MCTP1: variants seen among roughly 807,000 people sequenced by gnomAD.
MCTP1 encodes the protein multiple C2 and transmembrane domain containing 1, also known as multiple C2 and transmembrane domain-containing protein 1.
In MCTP1, 69 loss-of-function variants were observed where a neutral mutation model predicts 120.6. That is an observed-to-expected ratio of 0.57 (90% CI 0.47 to 0.70). The LOEUF (loss-of-function observed/expected upper bound fraction) is 0.70. Ranked by LOEUF, MCTP1 falls within the 30% of genes least tolerant of loss-of-function variation. MCTP1 has a pLI of 0.00. For synonymous variants in MCTP1, 529 were observed against 493.1 expected, an observed-to-expected ratio of 1.07 and a Z score of -0.96; for missense variants, 1,203 against 1,248.8, an observed-to-expected ratio of 0.96 and a Z score of 0.55.
chr5:95,003,642 C>A (rs1834136666), intron 2 of MCTP1, among the ~76,000 whole-genome samples: 1 of 152,178 alleles, frequency 6.6e-6, no homozygotes, highest in South Asian at 2.1e-4. Flanking sequence ...ACAGTAGGTC[C>A]TCACTCAACA....
chr5:94,957,822 G>A (rs1235134591), intron 2 of MCTP1, among the ~76,000 whole-genome samples: 1 of 152,196 alleles, frequency 6.6e-6, no homozygotes, highest in Non-Finnish European at 1.5e-5. Flanking sequence ...ATAATAGTGG[G>A]AGACTTTAAC....
In MCTP1 at chr5:94,982,884, C is replaced by CAAAAAAAAAAA. The variant is rs34561115; in HGVS notation, c.839-29534_839-29524dup. ...ACCTGGGGGACAGAGCACACTTCAT[C>CAAAAAAAAAAA]AAAAAAAAAAAAAAAAAAAAAAAAA... On this transcript the variant is annotated intron_variant, in intron 2 of 22. Coordinates refer to ENST00000515393, the MANE Select transcript of MCTP1 (RefSeq NM_024717.7). Among the ~76,000 whole-genome samples the CAAAAAAAAAAA allele has an allele frequency of 2.1e-3, 60 of 28,620 alleles. 9 individuals are homozygous for CAAAAAAAAAAA. The highest frequency in any genetic ancestry group is 3.1e-3 in the African/African-American group (38 of 12,192). 18.8% of individuals were successfully genotyped at this position (28,620 alleles called of 152,430 possible). A position where few individuals can be genotyped will look rare whatever the true frequency, so the allele number is the denominator to read the frequency against.
intron 1 of MCTP1, among the ~76,000 whole-genome samples, chr5:95,108,718 G>T (rs1050590975): frequency 6.6e-6 from 1 of 152,152 alleles, no homozygotes; most frequent in African/African-American, 2.4e-5. Context: ...CTTATGTGTC[G>T]TAATATCCAT....
At chr5:94,772,302 C>T (rs571391898) in intron 19 of MCTP1, among the ~76,000 whole-genome samples, 1 of 152,254 alleles carries the variant, frequency 6.6e-6, no homozygotes, top group South Asian at 2.1e-4. Flanking sequence ...ACCTGTCACA[C>T]TGTCAATGTG....
intron 19 of MCTP1, among the ~76,000 whole-genome samples, chr5:94,737,669 G>C (rs751859364): frequency 3.3e-5 from 5 of 152,074 alleles, no homozygotes; most frequent in Non-Finnish European, 7.4e-5. Context: ...AATCTAATTT[G>C]ATTCAATTAG....
chr5:94,913,658 T>C (rs1160028331), intron 8 of MCTP1, among the ~76,000 whole-genome samples: 2 of 152,172 alleles, frequency 1.3e-5, no homozygotes, highest in Non-Finnish European at 2.9e-5. Flanking sequence ...TCTGAATTTA[T>C]TTTACATTTT....
chr5:95,168,907 T>A (rs1156261569), intron 1 of MCTP1, among the ~76,000 whole-genome samples: 1 of 152,116 alleles, frequency 6.6e-6, no homozygotes, highest in Non-Finnish European at 1.5e-5. Flanking sequence ...CCTGCCTGAT[T>A]GCCCTGGCCA....
chr5:95,019,658 C>A (rs1412910778), intron 1 of MCTP1, among the ~76,000 whole-genome samples: 1 of 152,042 alleles, frequency 6.6e-6, no homozygotes, highest in Non-Finnish European at 1.5e-5. Context: ...CAAAAGTGTA[C>A]AAGAGTGCCT....
intron 2 of MCTP1, among the ~76,000 whole-genome samples, chr5:94,975,102 G>A: frequency 6.6e-6 from 1 of 152,042 alleles, no homozygotes; most frequent in Non-Finnish European, 1.5e-5. Flanking sequence ...GATCAGGGAA[G>A]GTGTCCAAGC....
intron 17 of MCTP1, among the ~76,000 whole-genome samples, chr5:94,862,308 G>A (rs1414401736): frequency 4.6e-5 from 7 of 151,688 alleles, no homozygotes; most frequent in East Asian, 2.0e-4. Context: ...GGAGAAATAC[G>A]CCTTTCAGAG....
rs1277476475 is a variant in MCTP1 at position 94,907,786 on chromosome 5, G to A, written c.1652+1465C>T. ...TATAAAAGAACATCTGTCATTATACGAAAAAAAAAATAGAGAGAAGAAGGG... is the reference window on the plus strand; with the variant it reads ...TATAAAAGAACATCTGTCATTATACAAAAAAAAAAATAGAGAGAAGAAGGG... On this transcript the variant is annotated intron_variant, in intron 10 of 22. Transcript: ENST00000515393. Among the ~76,000 whole-genome samples, 13 of 147,898 alleles carry A rather than the reference G, an allele frequency of 8.8e-5. No homozygotes were observed. The South Asian group carries it at 2.3e-3, about 27-fold the overall frequency.
At chr5:95,227,774 A>G (rs1192974809) in intron 1 of MCTP1, among the ~76,000 whole-genome samples, 1 of 152,174 alleles carries the variant, frequency 6.6e-6, no homozygotes, top group African/African-American at 2.4e-5. Flanking sequence ...TTATATTAAC[A>G]TTATGAATTA....
chr5:95,252,431 C>T (rs1320029570), intron 1 of MCTP1, among the ~76,000 whole-genome samples: 3 of 151,986 alleles, frequency 2.0e-5, no homozygotes, highest in African/African-American at 7.3e-5. Context: ...ACAGAACTCA[C>T]CAGAGCCTTA....
intron 17 of MCTP1, among the ~76,000 whole-genome samples, chr5:94,806,364 CA>C (rs1228739627): frequency 2.6e-5 from 4 of 152,180 alleles, no homozygotes; most frequent in African/African-American, 9.6e-5. Context: ...GAAGGTGGGG[CA>C]AGGCTTTTCA....
chr5:94,811,278 G>A (rs922804391), intron 17 of MCTP1, among the ~76,000 whole-genome samples: 15 of 152,050 alleles, frequency 9.9e-5, no homozygotes, highest in African/African-American at 1.7e-4. Context: ...GTTACTGCAC[G>A]GGAAGCCTAA....
At chr5:95,171,167 T>C (rs894072248) in intron 1 of MCTP1, among the ~76,000 whole-genome samples, 1 of 152,246 alleles carries the variant, frequency 6.6e-6, no homozygotes, top group Non-Finnish European at 1.5e-5. Flanking sequence ...CCTTCACTTA[T>C]GAAGCTTAGT....
intron 1 of MCTP1, among the ~76,000 whole-genome samples, chr5:95,270,139 A>AT (rs924288935): frequency 2.6e-5 from 4 of 151,888 alleles, no homozygotes; most frequent in South Asian, 4.2e-4. Context: ...GTAAGGAATA[A>AT]TTTTTTTTTA....
At chr5:95,053,172 A>G (rs1746462009) in intron 1 of MCTP1, among the ~76,000 whole-genome samples, 1 of 152,228 alleles carries the variant, frequency 6.6e-6, no homozygotes, top group South Asian at 2.1e-4. Flanking sequence ...GGAAGCTTGA[A>G]GTGACAATTA....
intron 19 of MCTP1, among the ~76,000 whole-genome samples, chr5:94,731,255 C>T (rs1763068668): frequency 6.6e-6 from 1 of 152,034 alleles, no homozygotes; most frequent in African/African-American, 2.4e-5. Context: ...GATAATGTGG[C>T]CCAAGACAAT....
Sources: gnomAD v4.1 joint callset for allele counts (sites outside exome capture counted in the v4.1 genomes callset) on GRCh38, gnomAD v4.1.1 for gene constraint, MANE v1.5 for transcripts, NCBI Gene and HGNC (gene_info 2026-07-23, HGNC 2026-07-21) for gene names.